The following TCF4 variants were observed in gnomAD, a reference collection of about 807,000 sequenced individuals.
TCF4 encodes the protein SL3-3 enhancer factor 2.
A neutral mutation model predicts 82.1 loss-of-function variants in TCF4; 3 were observed. The ratio of observed to expected loss-of-function variants is 0.04; its 90% CI spans 0.02 to 0.09. The LOEUF is 0.09. Ranked by LOEUF, TCF4 falls within the 10% of genes least tolerant of loss-of-function variation. TCF4 has a pLI of 1.00. For synonymous variants in TCF4, 276 were observed against 309.6 expected (o/e 0.89, Z 1.14); for missense variants, 518 against 852.7 (o/e 0.61, Z 4.89).
chr18:55,364,944 G>C (rs2086455297), intron 6 of TCF4, among the ~76,000 whole-genome samples: 1 of 151,626 alleles, frequency 6.6e-6, no homozygotes, highest in African/African-American at 2.4e-5. Context: ...CAGATCACAA[G>C]GTCAGGAGAT....
At chr18:55,263,297 A>T (rs1226750073) in intron 11 of TCF4, among the ~76,000 whole-genome samples, 1 of 152,192 alleles carries the variant, frequency 6.6e-6, no homozygotes, top group African/African-American at 2.4e-5. Context: ...TAGGTATTGT[A>T]TAAGCAAGTT....
At chr18:55,626,827 A>G (rs1368089140) in intron 2 of TCF4, among the ~76,000 whole-genome samples, 2 of 152,244 alleles carry the variant, frequency 1.3e-5, no homozygotes, top group African/African-American at 2.4e-5. Flanking sequence ...AAAATGATAA[A>G]GGAATGTGCT....
intron 3 of TCF4, among the ~76,000 whole-genome samples, chr18:55,480,558 T>G (rs1398475715): frequency 6.6e-6 from 1 of 152,060 alleles, no homozygotes; most frequent in African/African-American, 2.4e-5. Context: ...TAGGACAGAG[T>G]GATACTAAAT....
intron 8 of TCF4, among the ~76,000 whole-genome samples, chr18:55,300,528 C>A (rs943605201): frequency 2.6e-5 from 4 of 152,032 alleles, no homozygotes; most frequent in African/African-American, 9.7e-5. Context: ...GGAAGGAAAA[C>A]CCACCCACCT....
chr18:55,512,988 T>C (rs1362720649), intron 3 of TCF4, among the ~76,000 whole-genome samples: 1 of 152,138 alleles, frequency 6.6e-6, no homozygotes, highest in East Asian at 1.9e-4. Flanking sequence ...GGCCAGTGAA[T>C]AACTGGTAAC....
intron 5 of TCF4, among the ~76,000 whole-genome samples, chr18:55,458,713 A>AG (rs1378040143): frequency 1.3e-5 from 2 of 152,300 alleles, no homozygotes; most frequent in African/African-American, 4.8e-5. Context: ...CGGGTGTGTG[A>AG]GAAATTATAG....
At chr18:55,617,479 G>A (rs747001524) in intron 2 of TCF4, among the ~76,000 whole-genome samples, 7 of 151,934 alleles carry the variant, frequency 4.6e-5, no homozygotes, top group Non-Finnish European at 1.0e-4. Context: ...AAATGCCATT[G>A]GAATTTTTAT....
At position 55,226,513 on chromosome 18, in the gene TCF4, G is replaced by T. The variant is rs1488538845; in HGVS notation, c.*1522C>A. Reference sequence around the variant, plus strand: ...TTGATCTATGTTTCTATCAAATATGGTAAGTATAAACTTCATTCATACTGG... The same window carrying T: ...TTGATCTATGTTTCTATCAAATATGTTAAGTATAAACTTCATTCATACTGG... On this transcript the variant is annotated 3_prime_UTR_variant, in exon 20 of 20. Coordinates refer to ENST00000354452, the MANE Select transcript of TCF4 (RefSeq NM_001083962.2). The T allele has an allele frequency of 6.6e-6, 1 of 152,484 alleles. No homozygotes were observed. Among genetic ancestry groups the T allele is most frequent in the Non-Finnish European group, 1.5e-5 (1 of 67,988 alleles). 9.4% of individuals were successfully genotyped at this position (152,484 alleles called of 1,614,324 possible). A position where few individuals can be genotyped will look rare whatever the true frequency, so the allele number is the denominator to read the frequency against.
At chr18:55,377,892 GAA>G (rs1461531243) in intron 6 of TCF4, among the ~76,000 whole-genome samples, 1 of 152,140 alleles carries the variant, frequency 6.6e-6, no homozygotes, top group Non-Finnish European at 1.5e-5. Flanking sequence ...TGTAGCTCTA[GAA>G]AAGTTACTTT....
chr18:55,554,008 ATTAG>A lies in TCF4; in HGVS notation c.145+31268_145+31271del, dbSNP rs531624980. On this transcript the variant is annotated intron_variant, in intron 3 of 19. Coordinates refer to ENST00000354452, the MANE Select transcript of TCF4 (RefSeq NM_001083962.2). ...AATTTTTGAAAATACATAAAGAAAA[ATTAG>A]TTAGATGGTAGTGATAAAATTATCT... Among the ~76,000 whole-genome samples the A allele has an allele frequency of 9.4e-3, 1,436 of 152,322 alleles. 26 individuals carry two copies. Among genetic ancestry groups the A allele is most frequent in the African/African-American group, 0.032 (1,324 of 41,574 alleles).
chr18:55,257,644 T>C, intron 13 of TCF4: 1 of 556,614 alleles, frequency 1.8e-6, no homozygotes, highest in Non-Finnish European at 3.2e-6. Context: ...ATTTAATTGA[T>C]TCTGAATTTT....
intron 3 of TCF4, among the ~76,000 whole-genome samples, chr18:55,481,836 G>A (rs1014384785): frequency 1.3e-5 from 2 of 152,150 alleles, no homozygotes; most frequent in African/African-American, 2.4e-5. Flanking sequence ...TAATGACTGC[G>A]ATACGTTATG....
At chr18:55,406,961 C>A (rs949985897) in intron 5 of TCF4, among the ~76,000 whole-genome samples, 2 of 152,102 alleles carry the variant, frequency 1.3e-5, no homozygotes, top group Non-Finnish European at 2.9e-5. Flanking sequence ...TCAAAAGAGG[C>A]ATAAGGGTAG....
Position 55,251,361 on chromosome 18 carries a change from A to G in TCF4, c.1350+3136T>C, listed in dbSNP as rs1286312981. Among the ~76,000 whole-genome samples, 3 of 152,202 alleles carry G rather than the reference A, an allele frequency of 2.0e-5. No homozygotes were observed. In the East Asian group the frequency reaches 5.8e-4, roughly 29 times the overall value. On this transcript the variant is annotated intron_variant, in intron 15 of 19. Coordinates refer to ENST00000354452, the MANE Select transcript of TCF4 (RefSeq NM_001083962.2). ...CTTTCATTATACTAATACTTAGTAA[A>G]TCACTGAAGACCTACTTCAGAACTC...
chr18:55,322,002 A>G, intron 8 of TCF4: 1 of 1,209,258 alleles, frequency 8.3e-7, no homozygotes, highest in Non-Finnish European at 1.0e-6. Context: ...CGCGAGATCG[A>G]TTCAACTTTT....
chr18:55,497,039 A>G (rs1415124658), intron 3 of TCF4, among the ~76,000 whole-genome samples: 6 of 152,172 alleles, frequency 3.9e-5, no homozygotes, highest in Non-Finnish European at 4.4e-5. Flanking sequence ...AGGTTCAACC[A>G]TATTTCCACT....
chr18:55,408,823 A>G (rs200522224), intron 5 of TCF4, among the ~76,000 whole-genome samples: 152 of 71,492 alleles, frequency 2.1e-3, no homozygotes, highest in African/African-American at 6.8e-3. Context: ...ACTCTGGGGG[A>G]AAAAAAAAAA....
intron 5 of TCF4, among the ~76,000 whole-genome samples, chr18:55,444,073 C>T (rs2095485934): frequency 6.6e-6 from 1 of 152,202 alleles, no homozygotes; most frequent in Admixed American, 6.5e-5. Flanking sequence ...CACACCATCT[C>T]ACTTCCTATA....
chr18:55,448,069 T>C (rs866300213), intron 5 of TCF4, among the ~76,000 whole-genome samples: 2 of 152,192 alleles, frequency 1.3e-5, no homozygotes, highest in Admixed American at 1.3e-4. Context: ...ACTAAAATAT[T>C]GTTTCTATGC....
Sources: allele counts gnomAD v4.1 joint callset (sites outside exome capture counted in the v4.1 genomes callset), GRCh38; gene constraint gnomAD v4.1.1; transcripts MANE v1.5; gene names NCBI Gene and HGNC (gene_info 2026-07-23, HGNC 2026-07-21).